Variants in KCNK2 observed in about 807,000 individuals in gnomAD.
KCNK2 encodes the protein potassium channel subfamily K member 2.
Under a neutral mutation model 40.5 loss-of-function variants are expected in KCNK2, and 21 were observed. The ratio of observed to expected loss-of-function variants is 0.52; its 90% CI spans 0.37 to 0.75. KCNK2 has a LOEUF of 0.75. Ranked by LOEUF, KCNK2 falls within the 30% of genes least tolerant of loss-of-function variation. KCNK2 has a pLI of 0.00. For missense variants in KCNK2, 399 were observed against 531.6 expected (o/e 0.75, Z 2.45); for synonymous variants, 191 against 202.2 (o/e 0.94, Z 0.47).
intron 1 of KCNK2, among the ~76,000 whole-genome samples, chr1:215,084,297 G>T (rs1659334064): frequency 6.6e-6 from 1 of 151,918 alleles, no homozygotes; most frequent in African/African-American, 2.4e-5. Flanking sequence ...TTCAGATTGG[G>T]ATTTGGTGCC....
intron 5 of KCNK2, among the ~76,000 whole-genome samples, chr1:215,176,856 T>C (rs570690361): frequency 3.3e-5 from 5 of 152,324 alleles, no homozygotes; most frequent in Admixed American, 2.6e-4. Context: ...ATACACCCAG[T>C]AATGGGATTG....
chr1:215,127,719 G>A (rs1661495010), intron 3 of KCNK2, among the ~76,000 whole-genome samples: 1 of 152,138 alleles, frequency 6.6e-6, no homozygotes, highest in South Asian at 2.1e-4. Context: ...TGAAGTTAGG[G>A]ATTTTTAATT....
intron 1 of KCNK2, among the ~76,000 whole-genome samples, chr1:215,054,426 C>T (rs1250128025): frequency 1.3e-5 from 2 of 152,184 alleles, no homozygotes; most frequent in Non-Finnish European, 2.9e-5. Flanking sequence ...ACCAGGAACA[C>T]GTAATTCATC....
At chr1:215,160,803 A>G (rs1218565628) in intron 3 of KCNK2, among the ~76,000 whole-genome samples, 2 of 151,708 alleles carry the variant, frequency 1.3e-5, no homozygotes, top group Non-Finnish European at 2.9e-5. Context: ...TGGTTGTTTT[A>G]TCTCCCCCAT....
intron 3 of KCNK2, among the ~76,000 whole-genome samples, chr1:215,155,119 T>C (rs1662859178): frequency 1.3e-5 from 2 of 152,206 alleles, no homozygotes; most frequent in African/African-American, 2.4e-5. Flanking sequence ...ATTTAGTGTA[T>C]AATGTGAGAT....
At chr1:215,016,609 T>C (rs1656596121) in intron 1 of KCNK2, among the ~76,000 whole-genome samples, 1 of 152,100 alleles carries the variant, frequency 6.6e-6, no homozygotes, top group African/African-American at 2.4e-5. Context: ...TTAACTCAAA[T>C]GGATTAAAGA....
At chr1:215,006,240 T>A (rs1037855818) in intron 1 of KCNK2, among the ~76,000 whole-genome samples, 1 of 152,208 alleles carries the variant, frequency 6.6e-6, no homozygotes, top group African/African-American at 2.4e-5. Context: ...TAAAAATTGA[T>A]CAACATGTGT....
At chr1:215,222,131 G>T (rs1026677596) in intron 6 of KCNK2, among the ~76,000 whole-genome samples, 1 of 152,074 alleles carries the variant, frequency 6.6e-6, no homozygotes, top group Non-Finnish European at 1.5e-5. Context: ...AGCCATGAGG[G>T]ATCCACCCCC....
At chr1:215,050,913 G>A (rs1657964210) in intron 1 of KCNK2, among the ~76,000 whole-genome samples, 1 of 152,160 alleles carries the variant, frequency 6.6e-6, no homozygotes, top group Non-Finnish European at 1.5e-5. Flanking sequence ...ACTGTGGGAT[G>A]TCACAGTAAT....
At chr1:215,169,403 T>A in intron 4 of KCNK2, 44 bp downstream of exon 4, 3 of 1,452,074 alleles carry the variant, frequency 2.1e-6, no homozygotes, top group Non-Finnish European at 2.8e-6. Flanking sequence ...ATTGTTTGAT[T>A]TTTTTAAAAA....
At chr1:215,076,720 C>T (rs376948490) in intron 1 of KCNK2, among the ~76,000 whole-genome samples, 14 of 152,012 alleles carry the variant, frequency 9.2e-5, no homozygotes, top group Non-Finnish European at 2.1e-4. Context: ...CAGCCACACT[C>T]GAGGGGAGGG....
At chr1:215,178,192 T>A (rs1410304891) in intron 5 of KCNK2, among the ~76,000 whole-genome samples, 1 of 152,176 alleles carries the variant, frequency 6.6e-6, no homozygotes, top group Non-Finnish European at 1.5e-5. Flanking sequence ...AAAATGCTAC[T>A]GATTTTTGTA....
intron 6 of KCNK2, among the ~76,000 whole-genome samples, chr1:215,208,407 G>C (rs1166609466): frequency 6.6e-6 from 1 of 152,016 alleles, no homozygotes; most frequent in African/African-American, 2.4e-5. Context: ...TTGGGTACCG[G>C]GCTTAATACC....
chr1:215,101,767 A>G lies in KCNK2; in HGVS notation c.357+15089A>G, dbSNP rs1558091684. Reference sequence around the variant, plus strand: ...TAAGAGTTCATATTGCCTATGACGTAGCCATCAAAATGTCATATCTCAATG... The same window carrying G: ...TAAGAGTTCATATTGCCTATGACGTGGCCATCAAAATGTCATATCTCAATG... On this transcript the variant is annotated intron_variant, in intron 2 of 6. Transcript: ENST00000444842. 4.6e-5 allele frequency among the ~76,000 whole-genome samples: 7 copies of G among 152,034 alleles called. No individual in the cohort carries two copies. The South Asian group carries it at 8.3e-4, about 18-fold the overall frequency.
intron 3 of KCNK2, among the ~76,000 whole-genome samples, chr1:215,162,637 A>C (rs1663253718): frequency 2.6e-5 from 4 of 152,316 alleles, no homozygotes; most frequent in Middle Eastern, 3.4e-3. Flanking sequence ...TTTTCTGCAT[A>C]TAGCTAGCCA....
At chr1:215,021,842 C>G (rs1656807607) in intron 1 of KCNK2, among the ~76,000 whole-genome samples, 1 of 152,176 alleles carries the variant, frequency 6.6e-6, no homozygotes, top group Admixed American at 6.5e-5. Context: ...AGCCACTGCG[C>G]CCGGCCACAA....
chr1:215,146,084 C>T (rs1032096612), intron 3 of KCNK2, among the ~76,000 whole-genome samples: 4 of 152,006 alleles, frequency 2.6e-5, no homozygotes, highest in Admixed American at 6.6e-5. Context: ...TTTAAACACT[C>T]GAAATGAAAT....
chr1:215,114,662 A>C (rs1450767951), intron 2 of KCNK2, among the ~76,000 whole-genome samples: 2 of 152,152 alleles, frequency 1.3e-5, no homozygotes, highest in Non-Finnish European at 2.9e-5. Context: ...TGATTTTGTG[A>C]CATTGAGCCA....
intron 1 of KCNK2, among the ~76,000 whole-genome samples, chr1:215,008,642 T>G (rs577319165): frequency 5.8e-4 from 89 of 152,264 alleles, no homozygotes; most frequent in Middle Eastern, 3.4e-3. Flanking sequence ...AAGCATGCGA[T>G]AAGATGGTTA....
Sources: gnomAD v4.1 joint callset for allele counts (sites outside exome capture counted in the v4.1 genomes callset) on GRCh38, gnomAD v4.1.1 for gene constraint, MANE v1.5 for transcripts, NCBI Gene and HGNC (gene_info 2026-07-23, HGNC 2026-07-21) for gene names.